Variants in ACSL6 observed in about 807,000 individuals in gnomAD.
ACSL6 encodes acyl-CoA synthetase long chain family member 6, also known as long-chain-fatty-acid--CoA ligase 6.
ACSL6 carries 47 observed loss-of-function variants against 98.2 expected under a neutral mutation model. The observed-to-expected ratio is 0.48, with a 90% CI of 0.38 to 0.61. ACSL6 has a LOEUF of 0.61. Ranked by LOEUF, ACSL6 falls within the 20% of genes least tolerant of loss-of-function variation. The pLI is 0.00. For synonymous variants in ACSL6, 362 were observed against 336.9 expected, an observed-to-expected ratio of 1.07 and a Z score of -0.82; for missense variants, 761 against 913.4, an observed-to-expected ratio of 0.83 and a Z score of 2.15.
chr5:131,994,167 T>C lies in ACSL6; in HGVS notation c.134A>G (p.Gln45Arg), dbSNP rs775951494. 3.1e-6 allele frequency: 5 copies of C among 1,614,232 alleles called. No individual in the cohort carries two copies. The highest frequency in any genetic ancestry group is 3.4e-6 in the Non-Finnish European group (4 of 1,180,054). The change falls in exon 2 of 21, where the codon CAG (glutamine) becomes CGG (arginine). Residue 45 changes from glutamine (Q) to arginine (R), a missense_variant. Coordinates refer to ENST00000651883, the MANE Select transcript of ACSL6 (RefSeq NM_001009185.3). ...GGTGGCCGAGAGGCTGCGGAAAAAC[T>C]GTCCCAAGTCACCTAGCTCAGGCAG... is the stretch of plus-strand genomic sequence containing the variant. ...LRLPELGDLG[Q>R]FFRSLSATTL...
In ACSL6 at chr5:131,999,992, T is replaced by A. The variant is rs1374301758; in HGVS notation, c.50-5741A>T. ...TGTGGGCTTGGGACTGCAGTGAGCA[T>A]GAGTTTATGTGTGTAGGGGGTGGGG... is the stretch of plus-strand genomic sequence containing the variant. On this transcript the variant is annotated intron_variant, in intron 1 of 20. Transcript: ENST00000651883. 4.6e-5 allele frequency among the ~76,000 whole-genome samples: 7 copies of A among 151,774 alleles called. No individual in the cohort carries two copies. In the East Asian group the frequency reaches 1.3e-3, roughly 29 times the overall value.
rs533372297 is a variant in ACSL6 at position 131,989,523 on chromosome 5, G to C, written c.451-15C>G. 9 of 1,594,368 alleles carry C rather than the reference G, an allele frequency of 5.6e-6. No individual in the cohort carries two copies. In the South Asian group the frequency reaches 7.7e-5, roughly 14 times the overall value. ...CTGTCGGCCACCTGCACACAGATGT[G>C]GGGAAGTGATGGGAAAACAAGGACT... On this transcript the variant is annotated splice_polypyrimidine_tract_variant and intron_variant, in intron 4 of 20. Transcript: ENST00000651883.
rs1339221521 is a variant in ACSL6 at position 132,011,639 on chromosome 5, G to A, written c.-86C>T. 1.6e-6 allele frequency: 2 copies of A among 1,262,528 alleles called. No individual in the cohort carries two copies. Among genetic ancestry groups the A allele is most frequent in the Non-Finnish European group, 2.0e-6 (2 of 1,001,832 alleles). 78.2% of individuals were successfully genotyped at this position (1,262,528 alleles called of 1,614,324 possible). The stretch of plus-strand genomic sequence containing the variant: ...CCGCAGCCCAGCAGCCCCAGCAGTA[G>A]CCGCGCCGCCGCCGCCGCTGCCGGG... On this transcript the variant is annotated 5_prime_UTR_variant, in exon 1 of 21. Transcript: ENST00000651883. The surrounding 1 kb of genome is among the most constrained non-coding windows in gnomAD (Gnocchi z 5.4).
intron 12 of ACSL6, 75 bp downstream of exon 12, chr5:131,973,191 T>C (rs1436881648): frequency 6.5e-7 from 1 of 1,549,398 alleles, no homozygotes; most frequent in African/African-American, 1.4e-5. Flanking sequence ...AAAGCCTGCC[T>C]GGGGCTCCAG....
At chr5:131,963,068 G>A (rs1752799527) in intron 17 of ACSL6, among the ~76,000 whole-genome samples, 1 of 151,994 alleles carries the variant, frequency 6.6e-6, no homozygotes, top group Non-Finnish European at 1.5e-5. Flanking sequence ...TTTCTCACCA[G>A]CATCTTTGGT....
chr5:131,969,932 G>T (rs1327029260), intron 15 of ACSL6, among the ~76,000 whole-genome samples, 196 bp downstream of exon 15: 1 of 152,126 alleles, frequency 6.6e-6, no homozygotes, highest in Admixed American at 6.5e-5. Flanking sequence ...GAATAAAAAA[G>T]GGAAAAACCT....
intron 1 of ACSL6, among the ~76,000 whole-genome samples, chr5:132,000,307 A>T (rs1245360516): frequency 1.3e-5 from 2 of 152,156 alleles, no homozygotes; most frequent in African/African-American, 2.4e-5. Context: ...ACCCCAGGGC[A>T]GCACACCAGC....
chr5:131,974,957 G>A lies in ACSL6; in HGVS notation c.1004C>T (p.Pro335Leu), dbSNP rs772003187. The A allele has an allele frequency of 8.7e-6, 14 of 1,613,760 alleles. No individual in the cohort carries two copies. Among genetic ancestry groups the A allele is most frequent in the East Asian group, 4.5e-5 (2 of 44,880 alleles). The change falls in exon 11 of 21, where the codon CCG becomes CTG. Residue 335 changes from proline to leucine, a missense_variant. Transcript: ENST00000651883. ...GGAGATGAGCACATCGTCCTGTCTC[G>A]GAAAGATCACTTTCTGCAGGCGACG... ...FLKVTEKVIF[P>L]RQDDVLISFL...
chr5:131,976,783 G>A, intron 9 of ACSL6, 62 bp from the exon 10 acceptor site: 5 of 1,451,568 alleles, frequency 3.4e-6, no homozygotes, highest in South Asian at 2.3e-5. Flanking sequence ...CTTGAGAGCA[G>A]TGCCCAAGTT....
At chr5:131,997,280 G>A (rs1331839673) in intron 1 of ACSL6, among the ~76,000 whole-genome samples, 1 of 152,214 alleles carries the variant, frequency 6.6e-6, no homozygotes, top group Non-Finnish European at 1.5e-5. Context: ...TGGGAGAACA[G>A]AGGCTCCACT....
intron 10 of ACSL6, chr5:131,976,253 A>G: frequency 1.0e-6 from 1 of 982,464 alleles, no homozygotes; most frequent in Non-Finnish European, 1.2e-6. Flanking sequence ...TAAACACAAA[A>G]TGACTGAATT....
intron 20 of ACSL6, among the ~76,000 whole-genome samples, chr5:131,958,331 T>C (rs1222154123): frequency 6.6e-6 from 1 of 152,164 alleles, no homozygotes; most frequent in Non-Finnish European, 1.5e-5. Context: ...GACCACTCAT[T>C]TGTGGTCTCT....
At chr5:131,956,116 A>G (rs1752390345) in intron 20 of ACSL6, among the ~76,000 whole-genome samples, 1 of 152,158 alleles carries the variant, frequency 6.6e-6, no homozygotes, top group South Asian at 2.1e-4. Flanking sequence ...TTGGGACAAG[A>G]GTCTATGTTC....
At chr5:132,011,967 A>G (rs755725086), upstream of ACSL6, 3 of 1,531,146 alleles carry the variant, frequency 2.0e-6, no homozygotes, top group Admixed American at 2.0e-5. The surrounding 1 kb of genome is among the most constrained non-coding windows in gnomAD (Gnocchi z 5.4). Flanking sequence ...CGAGCGCCAG[A>G]GCGTGACATT....
Position 131,972,780 on chromosome 5 carries a change from T to C in ACSL6, c.1282A>G (p.Ser428Gly). ...ATACTATCATTCCTGATGATTCCAC[T>C]CCGGACCTCGGCTTGCTTACGCTTT... ...AAKRKQAEVRSGIIRNDSIWD... is the reference protein window; with the variant it reads ...AAKRKQAEVRGGIIRNDSIWD... The change falls in exon 13 of 21, where the codon AGT becomes GGT. Residue 428 changes from serine (S) to glycine (G), a missense_variant. Coordinates refer to ENST00000651883, the MANE Select transcript of ACSL6 (RefSeq NM_001009185.3). 3 of 1,614,172 alleles carry C rather than the reference T, an allele frequency of 1.9e-6. No individual in the cohort carries two copies. The highest frequency in any genetic ancestry group is 1.7e-6 in the Non-Finnish European group (2 of 1,180,030).
chr5:131,979,366 G>A (rs1035749026), intron 9 of ACSL6, among the ~76,000 whole-genome samples: 1 of 152,190 alleles, frequency 6.6e-6, no homozygotes, highest in Admixed American at 6.5e-5. Context: ...TGGCTGACTT[G>A]TTCATGCTTG....
chr5:131,950,652 A>G lies in ACSL6; in HGVS notation c.*3582T>C, dbSNP rs1752110998. ...AAAAATATATTTTCCCATTCTTCAC[A>G]TTCATTTTAAAGTATTTTATATTTT... On this transcript the variant is annotated 3_prime_UTR_variant, in exon 21 of 21. Transcript: ENST00000651883. The G allele has an allele frequency of 1.1e-5, 2 of 190,346 alleles. No homozygotes were observed. The highest frequency in any genetic ancestry group is 2.2e-5 in the Non-Finnish European group (2 of 90,756). 11.8% of individuals were successfully genotyped at this position (190,346 alleles called of 1,614,324 possible).
chr5:131,972,937 G>A, intron 12 of ACSL6, 79 bp from the exon 13 acceptor site: 5 of 1,595,294 alleles, frequency 3.1e-6, no homozygotes, highest in Non-Finnish European at 4.3e-6. Flanking sequence ...ATAAGGCCCA[G>A]ACTGGCCAGC....
intron 15 of ACSL6, 31 bp downstream of exon 15, chr5:131,970,097 G>A (rs115517788): frequency 0.011 from 17,600 of 1,608,172 alleles, 113 homozygotes; most frequent in Middle Eastern, 0.026. Context: ...AGTGCCTCGC[G>A]AGCCAGTCCT....
Sources: gnomAD v4.1 joint callset for allele counts (sites outside exome capture counted in the v4.1 genomes callset) on GRCh38, gnomAD v4.1.1 for gene constraint, Gnocchi (gnomAD v3.1) non-coding constraint, MANE v1.5 for transcripts, NCBI Gene and HGNC (gene_info 2026-07-23, HGNC 2026-07-21) for gene names.